The following KDM4C variants were observed in gnomAD, a reference collection of about 807,000 sequenced individuals.
The protein encoded by KDM4C is lysine-specific demethylase 4C.
In KDM4C, 81 loss-of-function variants were observed where a neutral mutation model predicts 129.3. The ratio of observed to expected loss-of-function variants is 0.63; its 90% CI spans 0.52 to 0.75. KDM4C has a LOEUF of 0.75. Ranked by LOEUF, KDM4C falls within the 30% of genes least tolerant of loss-of-function variation. KDM4C has a pLI of 0.00. For synonymous variants in KDM4C, 573 were observed against 456.1 expected (o/e 1.26, Z -3.26); for missense variants, 1,457 against 1,304.0 (o/e 1.12, Z -1.81).
intron 1 of KDM4C, among the ~76,000 whole-genome samples, chr9:6,778,429 A>G (rs1432949163): frequency 6.6e-6 from 1 of 151,866 alleles, no homozygotes; most frequent in African/African-American, 2.4e-5. Flanking sequence ...TTATTCACTC[A>G]AGTGACAGCT....
intron 18 of KDM4C, among the ~76,000 whole-genome samples, chr9:7,109,801 C>T (rs1026395339): frequency 2.6e-5 from 4 of 152,162 alleles, no homozygotes; most frequent in African/African-American, 4.8e-5. Context: ...TAATTTTAAA[C>T]CACTTTTAAA....
chr9:6,840,218 G>A (rs922492582), intron 4 of KDM4C, among the ~76,000 whole-genome samples: 26 of 151,712 alleles, frequency 1.7e-4, no homozygotes, highest in African/African-American at 5.3e-4. Context: ...GGCTACAGGC[G>A]GGTGCCACCA....
At chr9:6,797,187 G>C (rs1456862025) in intron 2 of KDM4C, among the ~76,000 whole-genome samples, 2 of 151,854 alleles carry the variant, frequency 1.3e-5, no homozygotes, top group East Asian at 3.9e-4. Flanking sequence ...GGGGTCTGCT[G>C]TGTTACCCAG....
At chr9:6,984,899 A>C (rs1260743462) in intron 10 of KDM4C, among the ~76,000 whole-genome samples, 7 of 152,184 alleles carry the variant, frequency 4.6e-5, no homozygotes, top group Admixed American at 3.9e-4. Context: ...ATTGTCTGAA[A>C]ATCTCAGCTA....
intron 20 of KDM4C, 121 bp from the exon 21 acceptor site, chr9:7,169,677 G>T: frequency 1.3e-6 from 1 of 752,640 alleles, no homozygotes; most frequent in South Asian, 2.1e-5. Context: ...TTGGTTGTTG[G>T]CTGGTTCCCT....
chr9:6,769,803 A>G lies in KDM4C; in HGVS notation c.-18+11600A>G, dbSNP rs146568796. 2.0e-3 allele frequency among the ~76,000 whole-genome samples: 312 copies of G among 152,368 alleles called. 1 individual carries two copies. Among genetic ancestry groups the G allele is most frequent in the African/African-American group, 7.3e-3 (304 of 41,592 alleles). ...TTTGTTTTGCTGTTTAACAACAAAG[A>G]AAAATTATGAATTAGACAAAATGTA... On this transcript the variant is annotated intron_variant, in intron 1 of 21. Transcript: ENST00000381309.
At chr9:6,937,483 T>TA (rs1385315395) in intron 8 of KDM4C, among the ~76,000 whole-genome samples, 2 of 152,098 alleles carry the variant, frequency 1.3e-5, no homozygotes, top group Non-Finnish European at 2.9e-5. Flanking sequence ...CTATGTGTAA[T>TA]ATAGTAGGGT....
chr9:6,776,638 C>G (rs923775486), intron 1 of KDM4C, among the ~76,000 whole-genome samples: 1 of 104,880 alleles, frequency 9.5e-6, no homozygotes, highest in South Asian at 3.2e-4. Flanking sequence ...GAGTTTTGCT[C>G]TTTTTGACCA....
At chr9:6,952,733 G>T (rs1042381633) in intron 8 of KDM4C, among the ~76,000 whole-genome samples, 2 of 152,106 alleles carry the variant, frequency 1.3e-5, no homozygotes, top group African/African-American at 4.8e-5. Context: ...GAGCCACTGT[G>T]CCCGGCCCCA....
chr9:7,128,346 T>C (rs1840247621), intron 19 of KDM4C, 110 bp downstream of exon 19: 1 of 730,498 alleles, frequency 1.4e-6, no homozygotes. Context: ...GCTCATTCAC[T>C]TGGTTCATAG....
chr9:7,155,626 C>G lies in KDM4C; in HGVS notation c.2782-9612C>G, dbSNP rs140463157. 8.5e-3 allele frequency among the ~76,000 whole-genome samples: 1,292 copies of G among 152,154 alleles called. 20 individuals carry two copies. The highest frequency in any genetic ancestry group is 0.029 in the African/African-American group (1,201 of 41,504). ...TGCAGTGTTTGGGTTTCTGTCCTTGCGATAGTTTGCTGAGAATGATGGTTT... is the reference window on the plus strand; with the variant it reads ...TGCAGTGTTTGGGTTTCTGTCCTTGGGATAGTTTGCTGAGAATGATGGTTT... On this transcript the variant is annotated intron_variant, in intron 19 of 21. Coordinates refer to ENST00000381309, the MANE Select transcript of KDM4C (RefSeq NM_015061.6).
chr9:6,977,204 T>G (rs1395940879), intron 8 of KDM4C, among the ~76,000 whole-genome samples: 2 of 152,206 alleles, frequency 1.3e-5, no homozygotes, highest in Non-Finnish European at 2.9e-5. Context: ...CCTCCCTTCT[T>G]TATGATTGTC....
intron 1 of KDM4C, among the ~76,000 whole-genome samples, chr9:6,722,828 A>T (rs1305565030): frequency 2.6e-5 from 4 of 151,774 alleles, no homozygotes; most frequent in Non-Finnish European, 4.4e-5. Flanking sequence ...AAGATTTTTT[A>T]AAAAATTAGC....
intron 15 of KDM4C, among the ~76,000 whole-genome samples, chr9:7,040,139 G>A (rs1038292956): frequency 7.2e-5 from 11 of 152,042 alleles, no homozygotes; most frequent in African/African-American, 2.7e-4. Context: ...CATGAACAGT[G>A]TAAGACTCTT....
intron 17 of KDM4C, among the ~76,000 whole-genome samples, chr9:7,056,548 A>G (rs1236870560): frequency 1.3e-5 from 2 of 152,224 alleles, no homozygotes. Context: ...AGATGTCTAT[A>G]GGAGAAAATG....
In KDM4C at chr9:6,906,347, C is replaced by T. The variant is rs547665882; in HGVS notation, c.921+13115C>T. ...ACTCCACAGGGTAAACCTCTCCAGGCAACACTATGGAAGGAATTCTCAGCA... is the reference window on the plus strand; with the variant it reads ...ACTCCACAGGGTAAACCTCTCCAGGTAACACTATGGAAGGAATTCTCAGCA... On this transcript the variant is annotated intron_variant, in intron 8 of 21. Transcript: ENST00000381309. Among the ~76,000 whole-genome samples, 9 of 152,272 alleles carry T rather than the reference C, an allele frequency of 5.9e-5. No individual in the cohort carries two copies. In the South Asian group the frequency reaches 1.9e-3, roughly 32 times the overall value.
Position 6,750,527 on chromosome 9 carries a change from A to G in KDM4C, c.49+29530A>G, listed in dbSNP as rs145691982. On this transcript the variant is annotated intron_variant, in intron 1 of 17. Coordinates refer to the KDM4C transcript ENST00000536108. ...TGTCTTATAGGAAGTTGAAATAGCCAAAACACCAAGTTCAGGAACAACTGA... is the reference window on the plus strand; with the variant it reads ...TGTCTTATAGGAAGTTGAAATAGCCGAAACACCAAGTTCAGGAACAACTGA... Among the ~76,000 whole-genome samples the G allele has an allele frequency of 5.3e-3, 806 of 152,294 alleles. 7 individuals carry two copies. Among genetic ancestry groups the G allele is most frequent in the African/African-American group, 0.018 (765 of 41,560 alleles).
chr9:7,115,762 T>C (rs764730887), intron 18 of KDM4C, among the ~76,000 whole-genome samples: 2 of 152,236 alleles, frequency 1.3e-5, no homozygotes, highest in Non-Finnish European at 2.9e-5. Flanking sequence ...CTGGATTAGC[T>C]CAAAAGGCCT....
At chr9:7,133,420 A>T (rs183728954) in intron 19 of KDM4C, among the ~76,000 whole-genome samples, 2 of 152,172 alleles carry the variant, frequency 1.3e-5, no homozygotes, top group African/African-American at 4.8e-5. Flanking sequence ...ATAATAGCCT[A>T]GTTCCCTACA....
Sources: gnomAD v4.1 joint callset for allele counts (sites outside exome capture counted in the v4.1 genomes callset) on GRCh38, gnomAD v4.1.1 for gene constraint, MANE v1.5 for transcripts, NCBI Gene and HGNC (gene_info 2026-07-23, HGNC 2026-07-21) for gene names.